The following SLC2A5 variants were observed in gnomAD, a reference collection of about 807,000 sequenced individuals.
SLC2A5 encodes solute carrier family 2, facilitated glucose transporter member 5.
In SLC2A5, 56 loss-of-function variants were observed where a neutral mutation model predicts 50.3. The ratio of observed to expected loss-of-function variants is 1.11; its 90% CI spans 0.90 to 1.39. SLC2A5 has a LOEUF of 1.39. Ranked by LOEUF, SLC2A5 falls within the 40% of genes most tolerant of loss-of-function variation. The probability of loss-of-function intolerance (pLI) is 0.00; values close to 1 mark genes in which losing one functional copy is unlikely to be tolerated. For synonymous variants in SLC2A5, 269 were observed against 281.9 expected, an observed-to-expected ratio of 0.95 and a Z score of 0.46; for missense variants, 566 against 650.1, an observed-to-expected ratio of 0.87 and a Z score of 1.41.
In SLC2A5 at chr1:9,037,718, CAAG is replaced by C; in HGVS notation, c.1371_1373del (p.Phe457del). ...TCTTGGCCTTGGTCTCCGGGACAAT[CAAG>C]AAGATGTAGATGGTGGTGAGGAGGC... On this transcript the variant is annotated inframe_deletion, in exon 12 of 12. Transcript: ENST00000377424. The C allele has an allele frequency of 6.2e-7, 1 of 1,614,154 alleles. No homozygotes were observed. Among genetic ancestry groups the C allele is most frequent in the Non-Finnish European group, 8.5e-7 (1 of 1,180,032 alleles).
At chr1:9,092,721 G>T (rs1642471937), upstream of SLC2A5, among the ~76,000 whole-genome samples, 1 of 152,056 alleles carries the variant, frequency 6.6e-6, no homozygotes, top group Non-Finnish European at 1.5e-5. Flanking sequence ...CCAGGTTCAG[G>T]GTGCCTCTTT....
chr1:9,089,091 C>A (rs183528410), upstream of SLC2A5, among the ~76,000 whole-genome samples: 17 of 152,322 alleles, frequency 1.1e-4, no homozygotes, highest in East Asian at 3.3e-3. Flanking sequence ...GAAACACACG[C>A]AGATAAACTC....
intron 3 of SLC2A5, among the ~76,000 whole-genome samples, chr1:9,053,156 T>A (rs1395424980): frequency 9.3e-5 from 9 of 96,282 alleles, no homozygotes; most frequent in Non-Finnish European, 9.2e-5. Context: ...AATATATATT[T>A]TATATATTTA....
chr1:9,038,225 C>T (rs1156458171), intron 10 of SLC2A5, among the ~76,000 whole-genome samples: 2 of 152,310 alleles, frequency 1.3e-5, no homozygotes, highest in East Asian at 3.9e-4. Context: ...CACTCTGCTG[C>T]CTGCACAGTC....
At chr1:9,069,384 C>T (rs1418868836) in intron 1 of SLC2A5, 120 bp downstream of exon 1, 4 of 1,009,462 alleles carry the variant, frequency 4.0e-6, no homozygotes, top group Non-Finnish European at 6.1e-6. Context: ...CACCATAATC[C>T]CTCCCAACAC....
chr1:9,063,949 C>G (rs1642016272), intron 1 of SLC2A5, among the ~76,000 whole-genome samples: 1 of 130,436 alleles, frequency 7.7e-6, no homozygotes, highest in African/African-American at 3.4e-5. Context: ...CCCGCCTCGG[C>G]CTCCCAAAGT....
intron 4 of SLC2A5, 83 bp from the exon 5 acceptor site, chr1:9,042,020 A>G: frequency 6.9e-7 from 1 of 1,448,034 alleles, no homozygotes. Context: ...TATTCTTAGC[A>G]ATAACATTAT....
intron 2 of SLC2A5, among the ~76,000 whole-genome samples, chr1:9,077,413 C>CAA (rs1291797441): frequency 8.3e-6 from 1 of 120,176 alleles, no homozygotes; most frequent in Admixed American, 8.5e-5. Flanking sequence ...AAAAAAAAAG[C>CAA]AAAAAAAAAA....
In SLC2A5 at chr1:9,063,681, C is replaced by CTT. The variant is rs70985579; in HGVS notation, c.34-5433_34-5432dup. ...AGCCAACACATCAGGCTATTATTTACTTTTTTTTTTTTTTTTTTTTTTTTT... is the reference window on the plus strand; with the variant it reads ...AGCCAACACATCAGGCTATTATTTACTTTTTTTTTTTTTTTTTTTTTTTTTTT... On this transcript the variant is annotated intron_variant, in intron 1 of 11. Transcript: ENST00000377424. Among the ~76,000 whole-genome samples, 54 of 45,176 alleles carry CTT rather than the reference C, an allele frequency of 1.2e-3. 5 individuals carry two copies. Among genetic ancestry groups the CTT allele is most frequent in the Non-Finnish European group, 1.6e-3 (42 of 27,094 alleles). 29.6% of individuals were successfully genotyped at this position (45,176 alleles called of 152,430 possible).
intron 4 of SLC2A5, among the ~76,000 whole-genome samples, chr1:9,044,554 GT>G (rs2124337469): frequency 6.6e-6 from 1 of 151,942 alleles, no homozygotes; most frequent in East Asian, 1.9e-4. Flanking sequence ...TTTTGTGTTG[GT>G]TTGTTTGTTT....
upstream of SLC2A5, among the ~76,000 whole-genome samples, chr1:9,089,802 A>G (rs927997653): frequency 6.6e-6 from 1 of 152,168 alleles, no homozygotes; most frequent in African/African-American, 2.4e-5. Flanking sequence ...GCCACTCATA[A>G]TGAAGCCCCC....
At chr1:9,085,713 G>C (rs976937319) in intron 1 of SLC2A5, among the ~76,000 whole-genome samples, 4 of 152,180 alleles carry the variant, frequency 2.6e-5, no homozygotes, top group South Asian at 2.1e-4. Context: ...GTGTCGGGAG[G>C]GCGGCTTAGA....
chr1:9,075,261 A>T (rs992487757), intron 2 of SLC2A5, among the ~76,000 whole-genome samples: 1 of 152,152 alleles, frequency 6.6e-6, no homozygotes, highest in African/African-American at 2.4e-5. Context: ...CACATAACTC[A>T]CAGACTTCCC....
intron 4 of SLC2A5, among the ~76,000 whole-genome samples, chr1:9,043,003 C>A (rs1344528144): frequency 6.6e-6 from 1 of 152,100 alleles, no homozygotes; most frequent in Non-Finnish European, 1.5e-5. Flanking sequence ...GACGTGTTGC[C>A]TGATGTCAAT....
intron 3 of SLC2A5, among the ~76,000 whole-genome samples, chr1:9,051,663 A>G (rs903047127): frequency 6.6e-6 from 1 of 152,212 alleles, no homozygotes; most frequent in Admixed American, 6.5e-5. Flanking sequence ...AGGAACCCTC[A>G]TTTGTTGCTG....
intron 1 of SLC2A5, among the ~76,000 whole-genome samples, chr1:9,088,126 G>A (rs971563680): frequency 1.4e-4 from 22 of 151,940 alleles, no homozygotes; most frequent in Middle Eastern, 3.2e-3. Context: ...CTTAGATCCC[G>A]ACCCTCCCTA....
intron 1 of SLC2A5, among the ~76,000 whole-genome samples, chr1:9,085,325 T>C (rs1035712866): frequency 6.6e-6 from 1 of 152,158 alleles, no homozygotes; most frequent in Non-Finnish European, 1.5e-5. Flanking sequence ...ATTTAAGAAA[T>C]ACATTGTTTT....
At chr1:9,081,490 G>C (rs1244486355) in intron 2 of SLC2A5, among the ~76,000 whole-genome samples, 1 of 100,370 alleles carries the variant, frequency 1.0e-5, no homozygotes, top group Admixed American at 1.0e-4. Flanking sequence ...AAAAAAAAAA[G>C]TAAAAAGACA....
chr1:9,068,503 G>A (rs1021410709), intron 1 of SLC2A5, among the ~76,000 whole-genome samples: 1 of 147,954 alleles, frequency 6.8e-6, no homozygotes, highest in African/African-American at 2.5e-5. Context: ...CCAGGCTGGA[G>A]TGCAATGGCG....
Sources: allele counts gnomAD v4.1 joint callset (sites outside exome capture counted in the v4.1 genomes callset), GRCh38; gene constraint gnomAD v4.1.1; transcripts MANE v1.5; gene names NCBI Gene and HGNC (gene_info 2026-07-23, HGNC 2026-07-21).